Variants in MARK1 observed in about 807,000 individuals in gnomAD.
The protein encoded by MARK1 is microtubule affinity regulating kinase 1.
A neutral mutation model predicts 96.3 loss-of-function variants in MARK1; 40 were observed. The ratio of observed to expected loss-of-function variants is 0.42; its 90% CI spans 0.32 to 0.54. The LOEUF is 0.54. Among genes scored for constraint, MARK1 ranks in the 20% least tolerant of loss-of-function variants. The pLI is 0.16. For synonymous variants in MARK1, 317 were observed against 341.2 expected (o/e 0.93, Z 0.78); for missense variants, 719 against 984.6 (o/e 0.73, Z 3.61).
intron 1 of MARK1, among the ~76,000 whole-genome samples, chr1:220,570,750 A>G (rs1160551598): frequency 6.6e-6 from 1 of 152,160 alleles, no homozygotes; most frequent in Non-Finnish European, 1.5e-5. Flanking sequence ...CTTACTGTTT[A>G]GGTTTTAAAA....
chr1:220,619,432 C>T (rs1316222729), intron 9 of MARK1, among the ~76,000 whole-genome samples: 2 of 152,016 alleles, frequency 1.3e-5, no homozygotes, highest in Non-Finnish European at 2.9e-5. Flanking sequence ...CAAGATCACG[C>T]CACTGCACTC....
chr1:220,539,827 TGTA>T (rs778514325), intron 1 of MARK1, among the ~76,000 whole-genome samples: 10 of 152,062 alleles, frequency 6.6e-5, no homozygotes, highest in Non-Finnish European at 1.2e-4. Context: ...GATATTGACT[TGTA>T]GTTTTTTTTT....
At chr1:220,553,944 G>C (rs1001810460) in intron 1 of MARK1, among the ~76,000 whole-genome samples, 1 of 152,186 alleles carries the variant, frequency 6.6e-6, no homozygotes, top group Non-Finnish European at 1.5e-5. Flanking sequence ...GACCTCTGAT[G>C]TTCTGGCGTC....
intron 9 of MARK1, among the ~76,000 whole-genome samples, chr1:220,629,440 C>T (rs928948638): frequency 6.6e-6 from 1 of 150,486 alleles, no homozygotes; most frequent in Non-Finnish European, 1.5e-5. Context: ...ATCACAGTGT[C>T]GTTAACTATG....
chr1:220,539,585 G>C (rs1402003274), intron 1 of MARK1, among the ~76,000 whole-genome samples: 1 of 151,982 alleles, frequency 6.6e-6, no homozygotes, highest in Non-Finnish European at 1.5e-5. Context: ...ATCATGAAAG[G>C]GTACTGAATT....
chr1:220,530,621 A>G (rs182972804), intron 1 of MARK1, among the ~76,000 whole-genome samples: 1 of 152,348 alleles, frequency 6.6e-6, no homozygotes. Flanking sequence ...AGATATAATT[A>G]TAGAAATATG....
intron 9 of MARK1, among the ~76,000 whole-genome samples, chr1:220,624,297 CAAAAA>C (rs61237689): frequency 1.7e-5 from 2 of 114,796 alleles, no homozygotes; most frequent in Non-Finnish European, 1.8e-5. Context: ...GATTCCATCT[CAAAAA>C]AAAAAAAAAA....
At chr1:220,620,892 G>C (rs1466082052) in intron 9 of MARK1, among the ~76,000 whole-genome samples, 1 of 151,998 alleles carries the variant, frequency 6.6e-6, no homozygotes, top group African/African-American at 2.4e-5. Flanking sequence ...AGGGAAACTT[G>C]ACACCATTTT....
At chr1:220,619,817 A>G (rs533714954) in intron 9 of MARK1, among the ~76,000 whole-genome samples, 1 of 152,244 alleles carries the variant, frequency 6.6e-6, no homozygotes, top group Admixed American at 6.5e-5. Flanking sequence ...TTCAGCATGC[A>G]TTATTCACTA....
intron 1 of MARK1, among the ~76,000 whole-genome samples, chr1:220,573,477 C>T (rs1663614529): frequency 6.6e-6 from 1 of 152,092 alleles, no homozygotes; most frequent in South Asian, 2.1e-4. Context: ...GCACCCGCCA[C>T]CACGCCTGGC....
intron 6 of MARK1, among the ~76,000 whole-genome samples, chr1:220,614,295 A>T (rs953456629): frequency 6.6e-6 from 1 of 152,112 alleles, no homozygotes; most frequent in African/African-American, 2.4e-5. Flanking sequence ...TATAGGCATG[A>T]GTCCTACCTG....
At chr1:220,631,917 G>A (rs1667701028) in intron 10 of MARK1, among the ~76,000 whole-genome samples, 1 of 152,118 alleles carries the variant, frequency 6.6e-6, no homozygotes, top group Non-Finnish European at 1.5e-5. Context: ...TCTTAGACTG[G>A]ACAAAGAAAG....
chr1:220,528,801 C>T lies in MARK1; in HGVS notation c.-22C>T. The T allele has an allele frequency of 6.5e-7, 1 of 1,548,652 alleles. No individual in the cohort carries two copies. The highest frequency in any genetic ancestry group is 8.7e-7 in the Non-Finnish European group (1 of 1,146,264). ...ACAGCCCGGCCGGCGAGACCCCGGCCAGACCCCGCTGCCCGCACAAAATGT... is the reference window on the plus strand; with the variant it reads ...ACAGCCCGGCCGGCGAGACCCCGGCTAGACCCCGCTGCCCGCACAAAATGT... On this transcript the variant is annotated 5_prime_UTR_variant, in exon 1 of 18. Coordinates refer to ENST00000366917, the MANE Select transcript of MARK1 (RefSeq NM_018650.5).
Position 220,583,814 on chromosome 1 carries a change from ATTTTTTTTTT to A in MARK1, c.309+2712_309+2721del, listed in dbSNP as rs34848222. Among the ~76,000 whole-genome samples the A allele has an allele frequency of 4.7e-3, 498 of 105,234 alleles. 5 individuals carry two copies. The highest frequency in any genetic ancestry group is 0.017 in the African/African-American group (465 of 28,068). The allele number at this position is 105,234 out of a possible 152,430, so 69.0% of individuals were successfully genotyped here. A position where few individuals can be genotyped will look rare whatever the true frequency, so the allele number is the denominator to read the frequency against. ...CAGGTGCATGCACCATGCCTGGCTA[ATTTTTTTTTT>A]TTTTTTTTTTTTTTTGTATTTTTAG... On this transcript the variant is annotated intron_variant, in intron 3 of 17. Transcript: ENST00000366917.
chr1:220,556,128 C>T (rs921662779), intron 1 of MARK1, among the ~76,000 whole-genome samples: 3 of 152,024 alleles, frequency 2.0e-5, no homozygotes, highest in Non-Finnish European at 2.9e-5. Context: ...ACAGGAAATA[C>T]GGTATCAGCA....
At chr1:220,559,019 A>G (rs977390594) in intron 1 of MARK1, among the ~76,000 whole-genome samples, 1 of 152,234 alleles carries the variant, frequency 6.6e-6, no homozygotes, top group Non-Finnish European at 1.5e-5. Context: ...TGCAACCTAA[A>G]ATAGGTTAAA....
chr1:220,591,151 A>G (rs1335374691), intron 3 of MARK1, among the ~76,000 whole-genome samples: 3 of 152,158 alleles, frequency 2.0e-5, no homozygotes, highest in African/African-American at 4.8e-5. Flanking sequence ...GGTACCAGTC[A>G]GGGATTGAAT....
chr1:220,571,947 T>C (rs1246792676), intron 1 of MARK1: 1 of 152,184 alleles, frequency 6.6e-6, no homozygotes, highest in Non-Finnish European at 1.5e-5. Context: ...CAACATAGTG[T>C]ACTACAGCCC....
chr1:220,621,605 C>T (rs1418173573), intron 9 of MARK1, among the ~76,000 whole-genome samples: 1 of 151,938 alleles, frequency 6.6e-6, no homozygotes, highest in Non-Finnish European at 1.5e-5. Flanking sequence ...CTTAAGGAGT[C>T]TGGTTAATAA....
Sources: allele counts gnomAD v4.1 joint callset (sites outside exome capture counted in the v4.1 genomes callset), GRCh38; gene constraint gnomAD v4.1.1; transcripts MANE v1.5; gene names NCBI Gene and HGNC (gene_info 2026-07-23, HGNC 2026-07-21).